Variants in SERGEF observed in about 807,000 individuals in gnomAD.
SERGEF encodes secretion-regulating guanine nucleotide exchange factor.
SERGEF carries 51 observed loss-of-function variants against 50.0 expected under a neutral mutation model. That is an observed-to-expected ratio of 1.02 (90% CI 0.81 to 1.29). The LOEUF (loss-of-function observed/expected upper bound fraction) is 1.29. Among genes scored for constraint, SERGEF ranks in the 50% most tolerant of loss-of-function variants. The pLI, the probability that SERGEF is intolerant of heterozygous loss-of-function variation, is 0.00. For missense variants in SERGEF, 521 were observed against 557.0 expected, an observed-to-expected ratio of 0.94 and a Z score of 0.65; for synonymous variants, 205 against 212.4, an observed-to-expected ratio of 0.97 and a Z score of 0.30.
chr11:17,867,355 C>T (rs182630900), intron 10 of SERGEF, among the ~76,000 whole-genome samples: 13 of 152,358 alleles, frequency 8.5e-5, no homozygotes, highest in East Asian at 1.9e-4. Context: ...AATCCAGTAG[C>T]GTAGTCAAAT....
At chr11:17,807,016 C>T (rs1434164236) in intron 10 of SERGEF, among the ~76,000 whole-genome samples, 2 of 152,130 alleles carry the variant, frequency 1.3e-5, no homozygotes, top group Non-Finnish European at 2.9e-5. Flanking sequence ...AACAGAAAAG[C>T]TTTAACAACC....
rs373940862 is a variant in SERGEF, at chr11:17,979,799, A to G, written c.844+8798T>C. ...GCCTCTATCATCGCACATCTGCAGC[A>G]TACTAGGGTTTTACTGGATGATCTT... On this transcript the variant is annotated intron_variant, in intron 8 of 10. Coordinates refer to ENST00000265965, the MANE Select transcript of SERGEF (RefSeq NM_012139.4). Among the ~76,000 whole-genome samples the G allele has an allele frequency of 9.8e-5, 15 of 152,332 alleles. No homozygotes were observed. The South Asian group carries it at 3.1e-3, about 32-fold the overall frequency.
chr11:17,886,124 TC>T (rs1228247727), intron 9 of SERGEF, among the ~76,000 whole-genome samples: 1 of 150,776 alleles, frequency 6.6e-6, no homozygotes, highest in Non-Finnish European at 1.5e-5. Context: ...CCTCTGGCCC[TC>T]AGTTCCCTCA....
At chr11:17,963,358 T>C (rs1046174686) in intron 8 of SERGEF, among the ~76,000 whole-genome samples, 2 of 103,776 alleles carry the variant, frequency 1.9e-5, no homozygotes, top group Non-Finnish European at 1.8e-5. Context: ...GGTTGCTTAC[T>C]ATTAGTAAAA....
intron 10 of SERGEF, among the ~76,000 whole-genome samples, chr11:17,834,301 T>C (rs1012415940): frequency 1.3e-5 from 2 of 152,196 alleles, no homozygotes; most frequent in Non-Finnish European, 2.9e-5. Context: ...CCTCCTTGCC[T>C]TCCATCATGA....
intron 8 of SERGEF, among the ~76,000 whole-genome samples, chr11:17,975,232 T>C (rs1323698036): frequency 2.0e-5 from 3 of 152,200 alleles, no homozygotes; most frequent in Admixed American, 1.3e-4. Context: ...GTCTCTTCGG[T>C]TTCCTCATGT....
intron 10 of SERGEF, among the ~76,000 whole-genome samples, chr11:17,868,763 G>C (rs556861103): frequency 2.2e-4 from 33 of 152,308 alleles, no homozygotes; most frequent in African/African-American, 7.7e-4. Context: ...AAGCAAGGAG[G>C]AGAAAGTCAC....
At chr11:17,880,241 T>C (rs973927599) in intron 9 of SERGEF, among the ~76,000 whole-genome samples, 3 of 152,220 alleles carry the variant, frequency 2.0e-5, no homozygotes, top group African/African-American at 7.2e-5. Flanking sequence ...CTGTGTCTGA[T>C]TGACCTGAGG....
intron 1 of SERGEF, among the ~76,000 whole-genome samples, chr11:18,011,078 G>A (rs943573184): frequency 2.6e-5 from 4 of 151,692 alleles, no homozygotes; most frequent in Admixed American, 6.6e-5. Context: ...TATTACAACT[G>A]TTGTTTGCCT....
rs560935054 is a variant in SERGEF, at chr11:17,793,951, C to T, written c.1049-5538G>A. ...CCCTGGCACAAGCTGGACACAATACCCAAATCTGTTCAGGTCTGTGGCACC... is the reference window on the plus strand; with the variant it reads ...CCCTGGCACAAGCTGGACACAATACTCAAATCTGTTCAGGTCTGTGGCACC... On this transcript the variant is annotated intron_variant, in intron 10 of 10. Coordinates refer to ENST00000265965, the MANE Select transcript of SERGEF (RefSeq NM_012139.4). 2.0e-5 allele frequency among the ~76,000 whole-genome samples: 3 copies of T among 152,316 alleles called. No individual in the cohort carries two copies. In the South Asian group the frequency reaches 6.2e-4, roughly 32 times the overall value.
At chr11:17,988,148 C>A (rs772889951) in intron 8 of SERGEF, among the ~76,000 whole-genome samples, 2 of 152,146 alleles carry the variant, frequency 1.3e-5, no homozygotes, top group Non-Finnish European at 2.9e-5. Context: ...ATTAGGTCAA[C>A]AAAAGTTTAA....
intron 10 of SERGEF, among the ~76,000 whole-genome samples, chr11:17,800,686 G>C (rs144727594): frequency 6.6e-6 from 1 of 152,314 alleles, no homozygotes; most frequent in Non-Finnish European, 1.5e-5. Context: ...TAGAAGGGCA[G>C]GTAGTTGGGA....
intron 10 of SERGEF, among the ~76,000 whole-genome samples, chr11:17,806,631 T>C (rs12275201): frequency 0.092 from 13,996 of 152,200 alleles, 737 homozygotes; most frequent in South Asian, 0.11. Context: ...ATCTGAAATG[T>C]AGAGATTCAA....
chr11:17,816,333 TA>T (rs1849974114), intron 10 of SERGEF, among the ~76,000 whole-genome samples: 1 of 152,176 alleles, frequency 6.6e-6, no homozygotes, highest in South Asian at 2.1e-4. Flanking sequence ...TACTAAATGC[TA>T]GGGGGAATGA....
intron 9 of SERGEF, among the ~76,000 whole-genome samples, chr11:17,916,354 CATT>C (rs985014719): frequency 2.6e-5 from 4 of 152,140 alleles, no homozygotes; most frequent in Non-Finnish European, 5.9e-5. Flanking sequence ...AATTTATTAT[CATT>C]ATTATTATTT....
chr11:17,888,228 A>G lies in SERGEF; in HGVS notation c.1012-9984T>C, dbSNP rs1024222477. ...TGCTGCTTTACAGCAGTGGGGGGAA[A>G]TATTGATATTCACAACATAAGTAAA... On this transcript the variant is annotated intron_variant, in intron 9 of 10. Coordinates refer to ENST00000265965, the MANE Select transcript of SERGEF (RefSeq NM_012139.4). The surrounding 1 kb of genome is among the most constrained non-coding windows in gnomAD (Gnocchi z 4.1). Among the ~76,000 whole-genome samples the G allele has an allele frequency of 3.3e-5, 5 of 152,210 alleles. No homozygotes were observed. The highest frequency in any genetic ancestry group is 4.8e-5 in the African/African-American group (2 of 41,440).
chr11:17,986,855 T>C (rs922245930), intron 8 of SERGEF, among the ~76,000 whole-genome samples: 2 of 152,226 alleles, frequency 1.3e-5, no homozygotes, highest in Admixed American at 6.5e-5. Context: ...TTGTTGCACA[T>C]CTCATACTGG....
chr11:17,947,602 G>A lies in SERGEF; in HGVS notation c.1011+11868C>T, dbSNP rs530340570. 9.2e-5 allele frequency among the ~76,000 whole-genome samples: 14 copies of A among 152,252 alleles called. No individual in the cohort carries two copies. The South Asian group carries it at 2.9e-3, about 32-fold the overall frequency. On this transcript the variant is annotated intron_variant, in intron 9 of 10. Transcript: ENST00000265965. ...GCTCTGCCAGAAGACTGGCACATCT[G>A]GACTTCTAGGAGTTGGGGTGAGCAC...
chr11:17,790,893 G>A (rs1002201837), intron 10 of SERGEF, among the ~76,000 whole-genome samples: 7 of 152,122 alleles, frequency 4.6e-5, no homozygotes, highest in African/African-American at 1.4e-4. Context: ...TTGATTACCC[G>A]TTTAAGTTGC....
Sources: gnomAD v4.1 joint callset for allele counts (sites outside exome capture counted in the v4.1 genomes callset) on GRCh38, gnomAD v4.1.1 for gene constraint, Gnocchi (gnomAD v3.1) non-coding constraint, MANE v1.5 for transcripts, NCBI Gene and HGNC (gene_info 2026-07-23, HGNC 2026-07-21) for gene names.